Variants in NLRC5 observed in about 807,000 individuals in gnomAD.
NLRC5 encodes the protein protein NLRC5.
In NLRC5, 114 loss-of-function variants were observed where a neutral mutation model predicts 206.9. The ratio of observed to expected loss-of-function variants is 0.55; its 90% CI spans 0.47 to 0.64. NLRC5 has a LOEUF of 0.64. NLRC5 is among the 30% of genes least tolerant of loss of function. The pLI is 0.00. For missense variants in NLRC5, 2,008 were observed against 2,305.5 expected (o/e 0.87, Z 2.64); for synonymous variants, 952 against 962.8 (o/e 0.99, Z 0.21).
intron 26 of NLRC5, 62 bp from the exon 27 acceptor site, chr16:57,055,371 C>A: frequency 6.7e-7 from 1 of 1,498,690 alleles, no homozygotes; most frequent in Non-Finnish European, 9.2e-7. Flanking sequence ...GCTAGCCAGG[C>A]CGGAGGGGGT....
chr16:57,026,308 G>A lies in NLRC5; in HGVS notation c.1365G>A (p.Ser455=), dbSNP rs144419797. The A allele has an allele frequency of 2.7e-5, 44 of 1,613,888 alleles. No homozygotes were observed. The highest frequency in any genetic ancestry group is 2.0e-4 in the African/African-American group (15 of 74,940). The change falls in exon 6 of 49, where the codon TCG becomes TCA. Residue 455 remains serine, a synonymous_variant. Transcript: ENST00000688547. ...GCCCCCCTGGGCACTTGCCCACCTC[G>A]TCCCTACTGGACCTGGGGGAGGTGG... ...ALSPPGHLPT[S]SLLDLGEVAL...
At chr16:57,018,989 G>T (rs12446867) in intron 2 of NLRC5, among the ~76,000 whole-genome samples, 29,112 of 152,178 alleles carry the variant, frequency 0.19, 3,087 homozygotes, top group Non-Finnish European at 0.24. Flanking sequence ...GTTTGCCAAG[G>T]TTAGAGTCCT....
At chr16:57,074,908 C>G (rs1490369425) in intron 39 of NLRC5, among the ~76,000 whole-genome samples, 1 of 150,240 alleles carries the variant, frequency 6.7e-6, no homozygotes, top group African/African-American at 2.4e-5. Flanking sequence ...AGGCCCACGT[C>G]GTAGAACAAC....
intron 23 of NLRC5, chr16:57,048,261 T>C (rs1333756540): frequency 6.6e-6 from 1 of 152,658 alleles, no homozygotes; most frequent in Non-Finnish European, 1.5e-5. Context: ...ATCAAATCCA[T>C]GTTGTCATGT....
At chr16:57,048,679 G>T (rs1426972647) in intron 23 of NLRC5, among the ~76,000 whole-genome samples, 2 of 152,022 alleles carry the variant, frequency 1.3e-5, no homozygotes, top group South Asian at 2.1e-4. Context: ...GATTACAGGC[G>T]CCCGCCATCA....
chr16:57,041,355 C>G, intron 17 of NLRC5, 130 bp from the exon 18 acceptor site: 2 of 682,152 alleles, frequency 2.9e-6, no homozygotes, highest in South Asian at 3.7e-5. Flanking sequence ...TGTCTAGGTG[C>G]CAGATACATC....
chr16:57,027,575 G>A (rs2061381527), intron 6 of NLRC5, among the ~76,000 whole-genome samples: 2 of 152,234 alleles, frequency 1.3e-5, no homozygotes, highest in African/African-American at 2.4e-5. Context: ...AAGAGTCAGA[G>A]GTAGGTGGTC....
intron 1 of NLRC5, among the ~76,000 whole-genome samples, chr16:57,012,434 C>G (rs1269012578): frequency 6.6e-6 from 1 of 152,186 alleles, no homozygotes; most frequent in Non-Finnish European, 1.5e-5. Context: ...CAGGGGTCCC[C>G]AACCCCCAGG....
chr16:56,997,101 G>A (rs2057706224), intron 1 of NLRC5, among the ~76,000 whole-genome samples: 1 of 152,080 alleles, frequency 6.6e-6, no homozygotes, highest in South Asian at 2.1e-4. Context: ...CGAACTTCCA[G>A]GTTCAAGCAA....
chr16:57,014,644 A>G (rs1284022230), intron 1 of NLRC5, among the ~76,000 whole-genome samples: 4 of 152,222 alleles, frequency 2.6e-5, no homozygotes, highest in African/African-American at 7.2e-5. Flanking sequence ...TCTGCCTGTT[A>G]ACTTAGAGTG....
chr16:57,037,624 T>C (rs1489598176), intron 15 of NLRC5, among the ~76,000 whole-genome samples: 1 of 152,136 alleles, frequency 6.6e-6, no homozygotes, highest in Non-Finnish European at 1.5e-5. Context: ...CCTGGGAGAC[T>C]AGGCCAAGGA....
At chr16:57,079,763 G>A in intron 46 of NLRC5, 134 bp downstream of exon 46, 1 of 657,124 alleles carries the variant, frequency 1.5e-6, no homozygotes, top group East Asian at 2.8e-5. Context: ...TTTGTAAATG[G>A]GGAAGATCAT....
At chr16:56,991,762 G>T (rs1364194413) in intron 1 of NLRC5, among the ~76,000 whole-genome samples, 1 of 146,532 alleles carries the variant, frequency 6.8e-6, no homozygotes, top group African/African-American at 2.5e-5. Context: ...GCCTCCCAAA[G>T]TGTTGAGATT....
At chr16:57,003,078 G>GTTTGTTTGTTTGT (rs1458310583) in intron 1 of NLRC5, among the ~76,000 whole-genome samples, 1 of 126,436 alleles carries the variant, frequency 7.9e-6, no homozygotes, top group African/African-American at 2.9e-5. Context: ...TGTTTGTTTG[G>GTTTGTTTGTTTGT]AGATGAAGTC....
intron 23 of NLRC5, chr16:57,047,856 A>C (rs2064213915): frequency 8.6e-6 from 5 of 579,440 alleles, no homozygotes; most frequent in Non-Finnish European, 1.5e-5. Flanking sequence ...GGACTGGGGA[A>C]GCCTTCACCT....
intron 4 of NLRC5, among the ~76,000 whole-genome samples, chr16:57,023,201 C>T (rs1305803976): frequency 6.6e-6 from 1 of 152,202 alleles, no homozygotes; most frequent in African/African-American, 2.4e-5. Context: ...TTTCTCCCTC[C>T]CTTCCTTTCT....
At chr16:57,005,723 A>G (rs1341079066) in intron 1 of NLRC5, among the ~76,000 whole-genome samples, 3 of 152,104 alleles carry the variant, frequency 2.0e-5, no homozygotes, top group Non-Finnish European at 4.4e-5. Context: ...GTTGAAGTCT[A>G]GCTTGGGCAA....
intron 30 of NLRC5, among the ~76,000 whole-genome samples, chr16:57,060,943 C>T (rs1343693656): frequency 2.6e-5 from 4 of 152,212 alleles, no homozygotes; most frequent in Admixed American, 6.5e-5. Flanking sequence ...CAGAGCCCCA[C>T]GGAGAATCCC....
chr16:57,060,033 A>G (rs912223043), intron 30 of NLRC5, among the ~76,000 whole-genome samples: 1 of 124,046 alleles, frequency 8.1e-6, no homozygotes, highest in African/African-American at 3.8e-5. Flanking sequence ...TGTTATTATT[A>G]TTATTATTAT....
Sources: allele counts gnomAD v4.1 joint callset (sites outside exome capture counted in the v4.1 genomes callset), GRCh38; gene constraint gnomAD v4.1.1; transcripts MANE v1.5; gene names NCBI Gene and HGNC (gene_info 2026-07-23, HGNC 2026-07-21).